Variants in PAK5 observed in about 807,000 individuals in gnomAD.
PAK5 encodes the protein serine/threonine-protein kinase PAK 5.
PAK5 carries 16 observed loss-of-function variants against 65.9 expected under a neutral mutation model. That is an observed-to-expected ratio of 0.24 (90% CI 0.16 to 0.37). The LOEUF (loss-of-function observed/expected upper bound fraction) is 0.37, where lower values mean the gene tolerates loss of function less well. PAK5 is among the 10% of genes least tolerant of loss of function. The pLI is 1.00. For synonymous variants in PAK5, 371 were observed against 354.9 expected (o/e 1.05, Z -0.51); for missense variants, 785 against 903.9 (o/e 0.87, Z 1.69).
At chr20:9,665,757 G>A (rs1258471015) in intron 2 of PAK5, among the ~76,000 whole-genome samples, 1 of 151,496 alleles carries the variant, frequency 6.6e-6, no homozygotes, top group Non-Finnish European at 1.5e-5. Context: ...GCCTCCTAAA[G>A]TGCTGGGATT....
At chr20:9,664,623 G>A (rs974109634) in intron 2 of PAK5, among the ~76,000 whole-genome samples, 1 of 152,094 alleles carries the variant, frequency 6.6e-6, no homozygotes, top group Non-Finnish European at 1.5e-5. Context: ...CAAGAGATTT[G>A]CTGCTGCTGT....
At chr20:9,659,305 T>C (rs1020227949) in intron 2 of PAK5, among the ~76,000 whole-genome samples, 10 of 152,350 alleles carry the variant, frequency 6.6e-5, no homozygotes, top group African/African-American at 1.9e-4. Context: ...GAACCTTATG[T>C]AACCTTAATT....
At chr20:9,652,424 A>C (rs1252297792) in intron 2 of PAK5, among the ~76,000 whole-genome samples, 1 of 152,190 alleles carries the variant, frequency 6.6e-6, no homozygotes. Context: ...TCTAAAAATA[A>C]AGTTGTTTTC....
intron 1 of PAK5, among the ~76,000 whole-genome samples, chr20:9,780,392 T>C (rs997812312): frequency 2.6e-5 from 4 of 152,124 alleles, no homozygotes; most frequent in African/African-American, 9.7e-5. Flanking sequence ...GTTTATTCAT[T>C]CTTTTACTAA....
chr20:9,671,866 A>G (rs2047503084), intron 2 of PAK5, among the ~76,000 whole-genome samples: 1 of 152,092 alleles, frequency 6.6e-6, no homozygotes, highest in African/African-American at 2.4e-5. Context: ...TTTCAAAGGG[A>G]ATGCTTCCAG....
At chr20:9,750,369 A>AT (rs1375473463) in intron 1 of PAK5, among the ~76,000 whole-genome samples, 1 of 152,154 alleles carries the variant, frequency 6.6e-6, no homozygotes, top group African/African-American at 2.4e-5. Flanking sequence ...TATAGTAATG[A>AT]TTTTTTAAAT....
At chr20:9,769,551 C>T (rs999560360) in intron 1 of PAK5, among the ~76,000 whole-genome samples, 5 of 152,242 alleles carry the variant, frequency 3.3e-5, no homozygotes, top group Admixed American at 1.3e-4. Flanking sequence ...TTCAATGATG[C>T]TCTGAACTCT....
intron 2 of PAK5, among the ~76,000 whole-genome samples, chr20:9,689,701 C>A (rs2047766193): frequency 6.6e-6 from 1 of 152,192 alleles, no homozygotes; most frequent in Non-Finnish European, 1.5e-5. Flanking sequence ...TCTGAAATGG[C>A]TTTCTGATCC....
chr20:9,640,779 A>G (rs149825353), intron 3 of PAK5, among the ~76,000 whole-genome samples: 1,555 of 150,872 alleles, frequency 0.01, 10 homozygotes, highest in Middle Eastern at 0.028. Flanking sequence ...ACAGCTCTTA[A>G]GACAGCGCGT....
intron 1 of PAK5, among the ~76,000 whole-genome samples, chr20:9,780,181 A>G (rs2048927584): frequency 6.6e-6 from 1 of 152,086 alleles, no homozygotes; most frequent in Non-Finnish European, 1.5e-5. Context: ...TTAGATAAAA[A>G]ATACACAATA....
At chr20:9,685,653 C>T (rs1048870158) in intron 2 of PAK5, among the ~76,000 whole-genome samples, 2 of 152,192 alleles carry the variant, frequency 1.3e-5, no homozygotes, top group Non-Finnish European at 2.9e-5. Flanking sequence ...TTAAGTCACC[C>T]AGTTTGTGGT....
chr20:9,635,596 G>T (rs1195637849), intron 3 of PAK5, among the ~76,000 whole-genome samples: 1 of 152,038 alleles, frequency 6.6e-6, no homozygotes, highest in South Asian at 2.1e-4. Context: ...CCTTTCCAAG[G>T]TCTTCTCCTG....
chr20:9,736,839 A>C (rs2048394930), intron 1 of PAK5, among the ~76,000 whole-genome samples: 2 of 152,228 alleles, frequency 1.3e-5, no homozygotes, highest in Non-Finnish European at 2.9e-5. Context: ...AACATGAAGA[A>C]AATGACACTA....
chr20:9,667,925 T>C (rs1249275923), intron 2 of PAK5, among the ~76,000 whole-genome samples: 2 of 152,148 alleles, frequency 1.3e-5, no homozygotes, highest in Non-Finnish European at 2.9e-5. Flanking sequence ...TAAGTAATAG[T>C]AGCTTGCCAG....
rs193149220 is a variant in PAK5 at position 9,694,136 on chromosome 20, C to G, written c.-12+17150G>C. Among the ~76,000 whole-genome samples, 3 of 151,758 alleles carry G rather than the reference C, an allele frequency of 2.0e-5. No homozygotes were observed. The East Asian group carries it at 5.8e-4, about 29-fold the overall frequency. On this transcript the variant is annotated intron_variant, in intron 2 of 9. Coordinates refer to ENST00000353224, the MANE Select transcript of PAK5 (RefSeq NM_177990.4). ...GTTTTGATTTTCAATGATATATGTC[C>G]AATGAGGAATTTAAGATAAATAAAT...
chr20:9,677,812 C>T (rs959625419), intron 2 of PAK5, among the ~76,000 whole-genome samples: 4 of 152,214 alleles, frequency 2.6e-5, no homozygotes, highest in African/African-American at 9.6e-5. Context: ...TATCATAGGA[C>T]AGTATAGTGG....
chr20:9,764,768 A>T (rs1194215662), intron 1 of PAK5, among the ~76,000 whole-genome samples: 2 of 152,210 alleles, frequency 1.3e-5, no homozygotes. Context: ...CTTCGAGTAC[A>T]GTTGTGGTTA....
At chr20:9,693,599 C>T (rs2047827556) in intron 2 of PAK5, among the ~76,000 whole-genome samples, 2 of 152,086 alleles carry the variant, frequency 1.3e-5, no homozygotes, top group South Asian at 4.1e-4. Flanking sequence ...GGAAACTTGT[C>T]AGTAATGTAG....
intron 1 of PAK5, among the ~76,000 whole-genome samples, chr20:9,752,819 G>A (rs2048591941): frequency 2.0e-5 from 3 of 152,102 alleles, no homozygotes; most frequent in African/African-American, 7.2e-5. Flanking sequence ...AGGTGGAGCT[G>A]TTGTCCCCAT....
Sources: gnomAD v4.1 joint callset for allele counts (sites outside exome capture counted in the v4.1 genomes callset) on GRCh38, gnomAD v4.1.1 for gene constraint, MANE v1.5 for transcripts, NCBI Gene and HGNC (gene_info 2026-07-23, HGNC 2026-07-21) for gene names.